Variants in SYT14 observed in about 807,000 individuals in gnomAD.
The protein encoded by SYT14 is synaptotagmin 14, also known as synaptotagmin-14.
Under a neutral mutation model 74.2 loss-of-function variants are expected in SYT14, and 32 were observed. That is an observed-to-expected ratio of 0.43 (90% CI 0.33 to 0.58). SYT14 has a LOEUF of 0.58. Among genes scored for constraint, SYT14 ranks in the 20% least tolerant of loss-of-function variants. SYT14 has a pLI of 0.05. For missense variants in SYT14, 791 were observed against 981.8 expected, an observed-to-expected ratio of 0.81 and a Z score of 2.60; for synonymous variants, 298 against 337.7, an observed-to-expected ratio of 0.88 and a Z score of 1.29.
At chr1:209,942,109 A>C (rs1286304579) in intron 1 of SYT14, among the ~76,000 whole-genome samples, 2 of 152,160 alleles carry the variant, frequency 1.3e-5, no homozygotes, top group Non-Finnish European at 2.9e-5. Context: ...ATGGGGGGCC[A>C]ATTGTATTTT....
intron 5 of SYT14, among the ~76,000 whole-genome samples, chr1:210,061,540 A>G (rs1437462040): frequency 6.6e-6 from 1 of 151,888 alleles, no homozygotes; most frequent in Non-Finnish European, 1.5e-5. Context: ...GGTGACATAA[A>G]CTAGAGTCTG....
intron 2 of SYT14, among the ~76,000 whole-genome samples, chr1:209,968,360 T>C (rs777749013): frequency 6.6e-6 from 1 of 151,886 alleles, no homozygotes; most frequent in Admixed American, 6.6e-5. Context: ...TATAGTATCA[T>C]ATGGAGTAGT....
intron 7 of SYT14, among the ~76,000 whole-genome samples, chr1:210,139,431 G>C (rs2082870283): frequency 6.6e-6 from 1 of 151,872 alleles, no homozygotes; most frequent in African/African-American, 2.4e-5. Flanking sequence ...AATTATCTTT[G>C]AGATTCTTTC....
chr1:210,035,777 G>A (rs2080647341), intron 5 of SYT14, among the ~76,000 whole-genome samples: 1 of 151,868 alleles, frequency 6.6e-6, no homozygotes, highest in Non-Finnish European at 1.5e-5. Flanking sequence ...GTCTATTTTT[G>A]TACCAGTACC....
Position 210,132,567 on chromosome 1 carries a change from T to TTA in SYT14, c.2035-23153_2035-23152insAT, listed in dbSNP as rs147481736. ...TCTAAGATGATGATGATTTTATATA[T>TTA]TGTGTGTGTGTGTGTGTGTGTGTGT... On this transcript the variant is annotated intron_variant, in intron 7 of 9. Coordinates refer to ENST00000637265, the Ensembl canonical transcript of SYT14. 5.5e-3 allele frequency among the ~76,000 whole-genome samples: 797 copies of TTA among 145,080 alleles called. 7 individuals carry two copies. Among genetic ancestry groups the TTA allele is most frequent in the African/African-American group, 0.019 (742 of 39,078 alleles).
intron 7 of SYT14, among the ~76,000 whole-genome samples, chr1:210,149,157 CATAA>C (rs2083106858): frequency 6.8e-6 from 1 of 147,386 alleles, no homozygotes; most frequent in African/African-American, 2.5e-5. Context: ...CATACATATA[CATAA>C]ATTTTGATTA....
intron 5 of SYT14, among the ~76,000 whole-genome samples, chr1:210,033,714 GC>G (rs1353985065): frequency 2.6e-5 from 4 of 151,644 alleles, no homozygotes; most frequent in African/African-American, 9.7e-5. Flanking sequence ...TATGAAAAAA[GC>G]TTTTAGCTTT....
At chr1:209,983,417 C>A (rs1451769094) in intron 2 of SYT14, among the ~76,000 whole-genome samples, 3 of 152,076 alleles carry the variant, frequency 2.0e-5, no homozygotes, top group Non-Finnish European at 4.4e-5. Flanking sequence ...CCCTGCTCCT[C>A]AAAGTGGGTC....
chr1:209,995,394 A>G (rs932433586), intron 2 of SYT14, among the ~76,000 whole-genome samples: 4 of 152,224 alleles, frequency 2.6e-5, no homozygotes, highest in Admixed American at 6.5e-5. Context: ...AATGAAGGAC[A>G]TTACATAATG....
At chr1:210,069,730 A>G (rs573860866) in intron 5 of SYT14, among the ~76,000 whole-genome samples, 2 of 151,980 alleles carry the variant, frequency 1.3e-5, no homozygotes, top group East Asian at 3.9e-4. Context: ...TACTTTTTAT[A>G]ATTATTCTTA....
At chr1:210,029,939 C>T (rs531265375) in intron 5 of SYT14, among the ~76,000 whole-genome samples, 2 of 152,164 alleles carry the variant, frequency 1.3e-5, no homozygotes, top group South Asian at 4.1e-4. Context: ...TTACAGTTTT[C>T]ACCGTACAAG....
rs367922179 is a variant in SYT14 at position 209,952,887 on chromosome 1, T to G, written c.-486+131T>G. ...TTTTAGTAAATATTAACATTTGTCT[T>G]ACAGACTTAAGCATTAGTAAAGTGC... On this transcript the variant is annotated intron_variant, in intron 2 of 9. Coordinates refer to ENST00000637265, the Ensembl canonical transcript of SYT14. The G allele has an allele frequency of 5.7e-5, 63 of 1,104,208 alleles. No individual in the cohort carries two copies. The South Asian group carries it at 7.9e-4, about 14-fold the overall frequency. 68.4% of individuals were successfully genotyped at this position (1,104,208 alleles called of 1,614,324 possible).
chr1:210,093,920 T>A (rs957599648), intron 5 of SYT14, among the ~76,000 whole-genome samples: 1 of 152,214 alleles, frequency 6.6e-6, no homozygotes, highest in Non-Finnish European at 1.5e-5. Flanking sequence ...GAGGTATTAT[T>A]ATGTTTGTTT....
At chr1:210,012,303 C>G (rs958155034) in intron 2 of SYT14, among the ~76,000 whole-genome samples, 2 of 152,122 alleles carry the variant, frequency 1.3e-5, no homozygotes, top group African/African-American at 4.8e-5. Flanking sequence ...CTTTATTACA[C>G]TGTGTTGTAA....
chr1:210,151,317 A>G (rs1318874767), intron 7 of SYT14, among the ~76,000 whole-genome samples: 1 of 152,128 alleles, frequency 6.6e-6, no homozygotes, highest in Admixed American at 6.5e-5. Context: ...TATACACTGA[A>G]TGGAGCAGCA....
chr1:210,031,457 C>A (rs2080532993), intron 5 of SYT14, among the ~76,000 whole-genome samples: 2 of 152,100 alleles, frequency 1.3e-5, no homozygotes, highest in Admixed American at 6.6e-5. Context: ...ATTCACTCTA[C>A]TTCTCTCTTC....
At chr1:209,963,847 T>G (rs2079113382) in intron 2 of SYT14, among the ~76,000 whole-genome samples, 1 of 152,198 alleles carries the variant, frequency 6.6e-6, no homozygotes, top group African/African-American at 2.4e-5. Flanking sequence ...AACATGTAAG[T>G]GTTTACATCC....
intron 7 of SYT14, among the ~76,000 whole-genome samples, chr1:210,132,567 T>TTTTTTGTGTG (rs147481736): frequency 6.9e-6 from 1 of 144,998 alleles, no homozygotes; most frequent in South Asian, 2.3e-4. Context: ...ATTTTATATA[T>TTTTTTGTGTG]TGTGTGTGTG....
intron 2 of SYT14, among the ~76,000 whole-genome samples, chr1:209,963,169 C>G (rs1009094910): frequency 6.6e-6 from 1 of 152,040 alleles, no homozygotes; most frequent in African/African-American, 2.4e-5. Context: ...TTCTTTTACT[C>G]TGAATAGACA....
Sources: allele counts gnomAD v4.1 joint callset (sites outside exome capture counted in the v4.1 genomes callset), GRCh38; gene constraint gnomAD v4.1.1; transcripts MANE v1.5; gene names NCBI Gene and HGNC (gene_info 2026-07-23, HGNC 2026-07-21).